The following MXI1 variants were observed in gnomAD, a reference collection of about 807,000 sequenced individuals.
MXI1 encodes MAX interactor 1, dimerization protein, also known as max-interacting protein 1.
MXI1 carries 18 observed loss-of-function variants against 36.9 expected under a neutral mutation model. The ratio of observed to expected loss-of-function variants is 0.49; its 90% confidence interval spans 0.34 to 0.72. The LOEUF is 0.72. MXI1 is among the 30% of genes least tolerant of loss of function. MXI1 has a pLI of 0.01. For synonymous variants in MXI1, 160 were observed against 146.7 expected (o/e 1.09, Z -0.65); for missense variants, 304 against 379.1 (o/e 0.80, Z 1.64).
intron 2 of MXI1, among the ~76,000 whole-genome samples, chr10:110,232,971 T>G (rs554616489): frequency 7.9e-4 from 121 of 152,340 alleles, no homozygotes; most frequent in Non-Finnish European, 1.4e-3. Context: ...ACTTGCATAT[T>G]GAAAGAAACA....
At chr10:110,253,537 A>G (rs1012646985) in intron 3 of MXI1, among the ~76,000 whole-genome samples, 1 of 152,170 alleles carries the variant, frequency 6.6e-6, no homozygotes, top group Admixed American at 6.6e-5. Flanking sequence ...TCTACAAAAA[A>G]ATGTACACTT....
intron 1 of MXI1, among the ~76,000 whole-genome samples, chr10:110,224,024 G>A (rs771232634): frequency 6.6e-6 from 1 of 152,072 alleles, no homozygotes; most frequent in South Asian, 2.1e-4. Context: ...AAAACAAAAG[G>A]TATGAGGGAA....
intron 5 of MXI1, 89 bp from the exon 6 acceptor site, chr10:110,284,735 C>A: frequency 8.4e-7 from 1 of 1,183,860 alleles, no homozygotes; most frequent in Non-Finnish European, 1.1e-6. Flanking sequence ...TGTAACATTT[C>A]TTATACCTCT....
intron 3 of MXI1, among the ~76,000 whole-genome samples, chr10:110,264,282 T>C (rs1856614193): frequency 6.6e-6 from 1 of 152,174 alleles, no homozygotes; most frequent in South Asian, 2.1e-4. Flanking sequence ...TCCTGCTGTA[T>C]TGGGCATTGT....
Position 110,285,068 on chromosome 10 carries a change from G to C in MXI1, c.*81G>C. The C allele has an allele frequency of 7.4e-7, 1 of 1,351,944 alleles. No individual in the cohort carries two copies. The highest frequency in any genetic ancestry group is 1.0e-6 in the Non-Finnish European group (1 of 1,000,694). The allele number at this position is 1,351,944 out of a possible 1,614,324, so 83.7% of individuals were successfully genotyped here. A position where few individuals can be genotyped will look rare whatever the true frequency, so the allele number is the denominator to read the frequency against. ...AAACAATCTCTTAAATTGGGTTCAT[G>C]ATGCAGTCTCCTCTTTAAAACAAAA... On this transcript the variant is annotated 3_prime_UTR_variant, in exon 6 of 6. Coordinates refer to ENST00000332674, the MANE Select transcript of MXI1 (RefSeq NM_130439.3).
rs10656872 is a variant in MXI1 at position 110,216,665 on chromosome 10, G to GTTTTTTTTTTTTTTTTTTTTTTTTTTTT, written c.274+8603_274+8604insTTTTTTTTTTTTTTTTTTTTTTTTTTTT. ...CCTGTCTCCCCTATCTGTGTTTAAT[G>GTTTTTTTTTTTTTTTTTTTTTTTTTTTT]TTTTTTTTTTTTTTTTTTTTGGAGA... On this transcript the variant is annotated intron_variant, in intron 1 of 5. Coordinates refer to ENST00000332674, the MANE Select transcript of MXI1 (RefSeq NM_130439.3). Among the ~76,000 whole-genome samples, 137 of 79,052 alleles carry GTTTTTTTTTTTTTTTTTTTTTTTTTTTT rather than the reference G, an allele frequency of 1.7e-3. 32 individuals are homozygous for GTTTTTTTTTTTTTTTTTTTTTTTTTTTT. Among genetic ancestry groups the GTTTTTTTTTTTTTTTTTTTTTTTTTTTT allele is most frequent in the African/African-American group, 4.8e-3 (61 of 12,584 alleles). The allele number at this position is 79,052 out of a possible 152,430, so 51.9% of individuals were successfully genotyped here.
intron 3 of MXI1, among the ~76,000 whole-genome samples, chr10:110,274,121 G>A (rs757753316): frequency 6.6e-6 from 1 of 152,140 alleles, no homozygotes; most frequent in Non-Finnish European, 1.5e-5. Context: ...CATCAGTTTG[G>A]CAGTAGAGGT....
intron 1 of MXI1, chr10:110,225,849 C>A: frequency 3.6e-6 from 1 of 280,860 alleles, no homozygotes; most frequent in Non-Finnish European, 5.4e-6. Flanking sequence ...TTGCGGAACG[C>A]AGGCGCCCTG....
intron 2 of MXI1, 61 bp from the exon 3 acceptor site, chr10:110,244,767 G>A: frequency 7.0e-7 from 1 of 1,437,100 alleles, no homozygotes; most frequent in Non-Finnish European, 9.5e-7. Context: ...TAACTAATCT[G>A]TCTTTCTATA....
rs547238257 is a variant in MXI1, at chr10:110,265,986, A to G, written c.438-13194A>G. 5.3e-5 allele frequency among the ~76,000 whole-genome samples: 8 copies of G among 152,332 alleles called. No individual in the cohort carries two copies. In the East Asian group the frequency reaches 1.5e-3, roughly 29 times the overall value. On this transcript the variant is annotated intron_variant, in intron 3 of 5. Transcript: ENST00000332674. ...GAAAGTGAACTTGCAGCTTTTCAGC[A>G]TGGATAAGATAGATATAGGCCTGAG...
intron 3 of MXI1, among the ~76,000 whole-genome samples, chr10:110,267,710 GA>G (rs1422356233): frequency 2.0e-5 from 3 of 152,154 alleles, no homozygotes; most frequent in Non-Finnish European, 4.4e-5. Context: ...TAATGGAAAA[GA>G]ATTTTTCTTA....
chr10:110,248,243 C>G (rs1855946050), intron 3 of MXI1, among the ~76,000 whole-genome samples: 1 of 151,856 alleles, frequency 6.6e-6, no homozygotes, highest in Admixed American at 6.6e-5. Flanking sequence ...ATACCTAATG[C>G]TAAATGATGA....
rs564809409 is a variant in MXI1 at position 110,210,863 on chromosome 10, G to T, written c.274+2781G>T. ...GCGTGCGCCCGGCTCGGGCACTGCG[G>T]GTCGCTCGGCGCGCGCGGGGCTTGT... is the stretch of plus-strand genomic sequence containing the variant. On this transcript the variant is annotated intron_variant, in intron 1 of 5. Transcript: ENST00000332674. Among the ~76,000 whole-genome samples, 12 of 152,322 alleles carry T rather than the reference G, an allele frequency of 7.9e-5. No individual in the cohort carries two copies. In the South Asian group the frequency reaches 2.3e-3, roughly 29 times the overall value.
chr10:110,244,872 A>G lies in MXI1; in HGVS notation c.437+15A>G. The G allele has an allele frequency of 1.2e-6, 2 of 1,606,354 alleles. No homozygotes were observed. The highest frequency in any genetic ancestry group is 1.7e-6 in the Non-Finnish European group (2 of 1,176,988). On this transcript the variant is annotated intron_variant, in intron 3 of 5. Coordinates refer to ENST00000332674, the MANE Select transcript of MXI1 (RefSeq NM_130439.3). ...GAAAAGAATCGGTGAGTCAGTGATG[A>G]GGTACAGCTTTCACTTACGTTTAAA...
chr10:110,233,820 A>G (rs1281767695), intron 2 of MXI1, among the ~76,000 whole-genome samples: 2 of 152,114 alleles, frequency 1.3e-5, no homozygotes, highest in African/African-American at 2.4e-5. Flanking sequence ...TAAGTTTGCT[A>G]TTGCTGGGTT....
chr10:110,247,356 A>T (rs1460550058), intron 3 of MXI1, among the ~76,000 whole-genome samples: 1 of 152,130 alleles, frequency 6.6e-6, no homozygotes, highest in Non-Finnish European at 1.5e-5. Context: ...CTCTGATGGT[A>T]GTTTCTTTTG....
chr10:110,209,634 G>A (rs1411326574), intron 1 of MXI1, among the ~76,000 whole-genome samples: 4 of 152,220 alleles, frequency 2.6e-5, no homozygotes, highest in Non-Finnish European at 5.9e-5. Flanking sequence ...CAGCCGAATC[G>A]CTTCGCAATT....
intron 1 of MXI1, chr10:110,226,021 C>CGGCACGGCG (rs1232391827): frequency 4.0e-5 from 39 of 980,746 alleles, no homozygotes; most frequent in Non-Finnish European, 4.1e-5. Context: ...GGGCTGCCCG[C>CGGCACGGCG]GGCACGGCGG....
chr10:110,270,333 C>T (rs1310318806), intron 3 of MXI1, among the ~76,000 whole-genome samples: 1 of 152,080 alleles, frequency 6.6e-6, no homozygotes, highest in Non-Finnish European at 1.5e-5. Flanking sequence ...CTAAATTTAG[C>T]ACAGAATGGA....
Sources: allele counts gnomAD v4.1 joint callset (sites outside exome capture counted in the v4.1 genomes callset), GRCh38; gene constraint gnomAD v4.1.1; transcripts MANE v1.5; gene names NCBI Gene and HGNC (gene_info 2026-07-23, HGNC 2026-07-21).